The following CRHR2 variants were observed in gnomAD, a reference collection of about 807,000 sequenced individuals.
CRHR2 encodes corticotropin releasing hormone receptor 2.
CRHR2 carries 53 observed loss-of-function variants against 57.9 expected under a neutral mutation model. That is an observed-to-expected ratio of 0.92 (90% CI 0.73 to 1.15). CRHR2 has a LOEUF of 1.15. Among genes scored for constraint, CRHR2 ranks in the 50% most tolerant of loss-of-function variants. The pLI is 0.00. For missense variants in CRHR2, 532 were observed against 542.6 expected, an observed-to-expected ratio of 0.98 and a Z score of 0.19; for synonymous variants, 213 against 220.9, an observed-to-expected ratio of 0.96 and a Z score of 0.32.
chr7:30,654,289 T>C (rs1783690900), intron 11 of CRHR2, among the ~76,000 whole-genome samples: 1 of 152,222 alleles, frequency 6.6e-6, no homozygotes. Flanking sequence ...TTGTTTGCCT[T>C]ACTGGCCCCC....
At chr7:30,670,950 C>T (rs1004894326) in intron 2 of CRHR2, among the ~76,000 whole-genome samples, 1 of 152,152 alleles carries the variant, frequency 6.6e-6, no homozygotes, top group Non-Finnish European at 1.5e-5. Context: ...CCAGAGTGGC[C>T]CAGGCCTGCC....
In CRHR2 at chr7:30,654,019, C is replaced by T. The variant is rs570431170; in HGVS notation, c.1096-419G>A. On this transcript the variant is annotated intron_variant, in intron 11 of 11. Coordinates refer to ENST00000471646, the MANE Select transcript of CRHR2 (RefSeq NM_001883.5). Reference sequence around the variant, plus strand: ...AGCTCACACACCTGGTGCGCCTCCTCCTCCCTCCTGAAGACCGTCCCCTCT... The same window carrying T: ...AGCTCACACACCTGGTGCGCCTCCTTCTCCCTCCTGAAGACCGTCCCCTCT... Among the ~76,000 whole-genome samples the T allele has an allele frequency of 4.6e-5, 7 of 152,238 alleles. 1 individual carries two copies. Among genetic ancestry groups the T allele is most frequent in the South Asian group, 4.1e-4 (2 of 4,832 alleles).
At chr7:30,680,072 C>T (rs1320866259) in intron 2 of CRHR2, among the ~76,000 whole-genome samples, 1 of 152,238 alleles carries the variant, frequency 6.6e-6, no homozygotes, top group Non-Finnish European at 1.5e-5. Context: ...ATCAGCTTCT[C>T]ATTAGACTTA....
chr7:30,674,899 A>G (rs1784470078), intron 2 of CRHR2, among the ~76,000 whole-genome samples: 1 of 152,004 alleles, frequency 6.6e-6, no homozygotes. Context: ...CCTTGCTGAC[A>G]ATGCCTTAGC....
chr7:30,671,964 G>C (rs1784376773), intron 2 of CRHR2, among the ~76,000 whole-genome samples: 1 of 152,202 alleles, frequency 6.6e-6, no homozygotes, highest in Non-Finnish European at 1.5e-5. Context: ...TTGAGGTGGG[G>C]AGGGCCAGAA....
Position 30,679,265 on chromosome 7 carries a change from G to A in CRHR2, c.229+2650C>T, listed in dbSNP as rs148812362. Among the ~76,000 whole-genome samples, 4 of 152,290 alleles carry A rather than the reference G, an allele frequency of 2.6e-5. No homozygotes were observed. In the East Asian group the frequency reaches 5.8e-4, roughly 22 times the overall value. ...CTTTCCAAACCTCTAAGCTCTCCTC[G>A]CAAACCGAATGCCTCTTGTGGAGGG... On this transcript the variant is annotated intron_variant, in intron 2 of 11. Coordinates refer to ENST00000471646, the MANE Select transcript of CRHR2 (RefSeq NM_001883.5).
rs1177121441 is a variant in CRHR2 at position 30,653,239 on chromosome 7, G to C, written c.*221C>G. 1 of 581,592 alleles carries C rather than the reference G, an allele frequency of 1.7e-6. No homozygotes were observed. Among genetic ancestry groups the C allele is most frequent in the Non-Finnish European group, 2.9e-6 (1 of 341,406 alleles). The allele number at this position is 581,592 out of a possible 1,614,324, so 36.0% of individuals were successfully genotyped here. A position where few individuals can be genotyped will look rare whatever the true frequency, so the allele number is the denominator to read the frequency against. On this transcript the variant is annotated 3_prime_UTR_variant, in exon 12 of 12. Coordinates refer to ENST00000471646, the MANE Select transcript of CRHR2 (RefSeq NM_001883.5). The surrounding 1 kb of genome is among the most constrained non-coding windows in gnomAD (Gnocchi z 5.0). Reference sequence around the variant, plus strand: ...TGACTGGCTCTTCTCAGGGGGTCCTGTGAATTCCCTCTGCTTCCTCTTGCG... The same window carrying C: ...TGACTGGCTCTTCTCAGGGGGTCCTCTGAATTCCCTCTGCTTCCTCTTGCG...
chr7:30,662,951 T>G, intron 5 of CRHR2, 104 bp from the exon 6 acceptor site: 404 of 1,356,978 alleles, frequency 3.0e-4, no homozygotes, highest in Non-Finnish European at 3.6e-4. Flanking sequence ...CAAAGGGGGT[T>G]CGTGGACATG....
intron 2 of CRHR2, among the ~76,000 whole-genome samples, chr7:30,671,715 G>C (rs770139541): frequency 5.9e-5 from 9 of 151,908 alleles, no homozygotes; most frequent in Non-Finnish European, 1.3e-4. Context: ...GCTGAAGTGA[G>C]AGAATTGCTT....
chr7:30,692,695 G>A lies in CRHR2; in HGVS notation c.-260-3411C>T, dbSNP rs549660309. On this transcript the variant is annotated intron_variant, in intron 1 of 13. Coordinates refer to the CRHR2 transcript ENST00000341843. ...CAGGAAGGGGAGGCTTCTTTCACGTGAAGTCAGCACTTACTCTAGTGCTAG... is the reference window on the plus strand; with the variant it reads ...CAGGAAGGGGAGGCTTCTTTCACGTAAAGTCAGCACTTACTCTAGTGCTAG... 2.6e-5 allele frequency among the ~76,000 whole-genome samples: 4 copies of A among 152,328 alleles called. No individual in the cohort carries two copies. In the South Asian group the frequency reaches 8.3e-4, roughly 32 times the overall value.
At chr7:30,679,314 G>A (rs11974510) in intron 2 of CRHR2, among the ~76,000 whole-genome samples, 9,177 of 152,270 alleles carry the variant, frequency 0.06, 941 homozygotes, top group African/African-American at 0.21. Context: ...GGTTAATAGC[G>A]AGGGCTGTGG....
intron 6 of CRHR2, 116 bp downstream of exon 6, chr7:30,662,578 C>A: frequency 2.3e-6 from 3 of 1,288,310 alleles, no homozygotes; most frequent in Non-Finnish European, 3.2e-6. Flanking sequence ...ATCCACCGGA[C>A]TGCGCTGGGG....
chr7:30,667,412 C>T, intron 2 of CRHR2, 99 bp from the exon 3 acceptor site: 1 of 908,606 alleles, frequency 1.1e-6, no homozygotes, highest in Non-Finnish European at 1.8e-6. Flanking sequence ...CGCACCTCAG[C>T]TCTCCTAGGG....
At chr7:30,654,149 T>A (rs888438774) in intron 11 of CRHR2, among the ~76,000 whole-genome samples, 2 of 152,244 alleles carry the variant, frequency 1.3e-5, no homozygotes, top group Non-Finnish European at 2.9e-5. Context: ...TTTCTAAAGT[T>A]GGCTCTACCC....
intron 6 of CRHR2, among the ~76,000 whole-genome samples, 194 bp from the exon 7 acceptor site, chr7:30,662,410 G>A (rs1473982321): frequency 2.0e-5 from 3 of 152,176 alleles, no homozygotes; most frequent in South Asian, 2.1e-4. Flanking sequence ...GCAGGGCTGC[G>A]TGATTTTGTG....
rs768318731 is a variant in CRHR2 at position 30,682,336 on chromosome 7, C to A, written c.-56G>T. ...TGGGAGTGCGCGCCCGGCGTGACTG[C>A]GAGGGAGTGGACGCGAGAGTGAGCG... On this transcript the variant is annotated 5_prime_UTR_variant, in exon 1 of 12. Coordinates refer to ENST00000471646, the MANE Select transcript of CRHR2 (RefSeq NM_001883.5). 2.0e-6 allele frequency: 3 copies of A among 1,478,880 alleles called. No homozygotes were observed. The highest frequency in any genetic ancestry group is 2.6e-5 in the South Asian group (2 of 75,490). 91.6% of individuals were successfully genotyped at this position (1,478,880 alleles called of 1,614,324 possible).
intron 2 of CRHR2, among the ~76,000 whole-genome samples, chr7:30,677,896 C>T (rs1784568172): frequency 6.6e-6 from 1 of 152,224 alleles, no homozygotes; most frequent in South Asian, 2.1e-4. Flanking sequence ...ATGGCAAGAT[C>T]CCAACTCTAC....
At chr7:30,655,520 G>C in intron 10 of CRHR2, 60 bp downstream of exon 10, 1 of 1,565,290 alleles carries the variant, frequency 6.4e-7, no homozygotes, top group Non-Finnish European at 8.7e-7. Context: ...TGAGGGCATG[G>C]CTGCCAGAGC....
intron 3 of CRHR2, among the ~76,000 whole-genome samples, chr7:30,666,547 AC>A (rs1203178553): frequency 2.6e-5 from 4 of 152,074 alleles, no homozygotes; most frequent in African/African-American, 9.7e-5. Context: ...TCCCTGCAGA[AC>A]CCCTGTGGCT....
Sources: gnomAD v4.1 joint callset for allele counts (sites outside exome capture counted in the v4.1 genomes callset) on GRCh38, gnomAD v4.1.1 for gene constraint, Gnocchi (gnomAD v3.1) non-coding constraint, MANE v1.5 for transcripts, NCBI Gene and HGNC (gene_info 2026-07-23, HGNC 2026-07-21) for gene names.